The following SLIT3 variants were observed in gnomAD, a reference collection of about 807,000 sequenced individuals.
The protein encoded by SLIT3 is slit homolog 3 protein.
A neutral mutation model predicts 184.0 loss-of-function variants in SLIT3; 68 were observed. That is an observed-to-expected ratio of 0.37 (90% CI 0.30 to 0.45). SLIT3 has a LOEUF of 0.45. Among genes scored for constraint, SLIT3 ranks in the 20% least tolerant of loss-of-function variants. SLIT3 has a pLI of 1.00. For missense variants in SLIT3, 1,707 were observed against 2,026.0 expected, an observed-to-expected ratio of 0.84 and a Z score of 3.02; for synonymous variants, 831 against 828.6, an observed-to-expected ratio of 1.00 and a Z score of -0.05.
At chr5:169,250,870 C>T (rs1299273175) in intron 2 of SLIT3, among the ~76,000 whole-genome samples, 1 of 152,176 alleles carries the variant, frequency 6.6e-6, no homozygotes, top group Non-Finnish European at 1.5e-5. Flanking sequence ...GCAATGAAAC[C>T]TAATATTCCT....
chr5:169,171,558 C>T (rs1025623334), intron 4 of SLIT3, among the ~76,000 whole-genome samples: 1 of 152,200 alleles, frequency 6.6e-6, no homozygotes, highest in Non-Finnish European at 1.5e-5. Context: ...GATTGAAAGC[C>T]TCAGGAAAGA....
At chr5:168,935,170 A>G (rs1581225137) in intron 4 of SLIT3, among the ~76,000 whole-genome samples, 1 of 151,752 alleles carries the variant, frequency 6.6e-6, no homozygotes, top group Non-Finnish European at 1.5e-5. Context: ...AACCAACAAC[A>G]AAAAAGAATA....
At chr5:168,804,894 T>G (rs1756904711) in intron 9 of SLIT3, among the ~76,000 whole-genome samples, 1 of 152,154 alleles carries the variant, frequency 6.6e-6, no homozygotes, top group Non-Finnish European at 1.5e-5. Flanking sequence ...CCATCCCTTT[T>G]GTCTACTCTA....
chr5:168,850,916 G>A (rs1165835150), intron 5 of SLIT3, among the ~76,000 whole-genome samples: 1 of 152,148 alleles, frequency 6.6e-6, no homozygotes. Flanking sequence ...ACACATCGCT[G>A]GGAAATATCA....
At chr5:168,756,497 A>G (rs1754951894) in intron 16 of SLIT3, among the ~76,000 whole-genome samples, 1 of 152,186 alleles carries the variant, frequency 6.6e-6, no homozygotes, top group Non-Finnish European at 1.5e-5. Context: ...CCATCCTGCC[A>G]GGAAAACAGG....
At chr5:169,267,051 A>T (rs997812926) in intron 1 of SLIT3, among the ~76,000 whole-genome samples, 1 of 152,220 alleles carries the variant, frequency 6.6e-6, no homozygotes, top group Non-Finnish European at 1.5e-5. Context: ...AGTGTTTACC[A>T]TGTGCCAAGG....
At chr5:168,721,349 A>T (rs752098163) in intron 23 of SLIT3, among the ~76,000 whole-genome samples, 2 of 152,256 alleles carry the variant, frequency 1.3e-5, no homozygotes, top group African/African-American at 2.4e-5. Context: ...CTGTGATATA[A>T]GAATAATAAC....
chr5:168,898,490 A>G (rs1760762983), intron 4 of SLIT3, among the ~76,000 whole-genome samples: 1 of 151,986 alleles, frequency 6.6e-6, no homozygotes, highest in African/African-American at 2.4e-5. Flanking sequence ...GGCTTAGCAT[A>G]TCAATTAAGC....
intron 5 of SLIT3, 89 bp from the exon 6 acceptor site, chr5:168,844,744 C>A: frequency 8.2e-7 from 1 of 1,219,094 alleles, no homozygotes; most frequent in East Asian, 2.4e-5. Context: ...TGTCCCTCCA[C>A]CCCCTTGCAG....
rs907940781 is a variant in SLIT3, at chr5:168,664,018, C to G, written c.*2436G>C. Reference sequence around the variant, plus strand: ...GGAGTCAGACAGCCTGGGCCCAGATCCTGGCTCTACGGTTTATTAGACATT... The same window carrying G: ...GGAGTCAGACAGCCTGGGCCCAGATGCTGGCTCTACGGTTTATTAGACATT... On this transcript the variant is annotated 3_prime_UTR_variant, in exon 36 of 36. Coordinates refer to ENST00000519560, the MANE Select transcript of SLIT3 (RefSeq NM_003062.4). The G allele has an allele frequency of 1.3e-5, 2 of 152,284 alleles. No homozygotes were observed. The highest frequency in any genetic ancestry group is 1.3e-4 in the Admixed American group (2 of 15,290). The allele number at this position is 152,284 out of a possible 1,614,324, so 9.4% of individuals were successfully genotyped here.
At chr5:169,180,239 G>A (rs1326089869) in intron 4 of SLIT3, among the ~76,000 whole-genome samples, 1 of 152,136 alleles carries the variant, frequency 6.6e-6, no homozygotes, top group Non-Finnish European at 1.5e-5. Context: ...GCCAAGAAGA[G>A]AATTGTTGGA....
chr5:168,761,921 A>AAAATT (rs1554139194), intron 15 of SLIT3, among the ~76,000 whole-genome samples: 62 of 110,492 alleles, frequency 5.6e-4, no homozygotes, highest in African/African-American at 2.2e-3. Context: ...AAAAAAAAAA[A>AAAATT]TTTTTTTTTT....
intron 4 of SLIT3, among the ~76,000 whole-genome samples, chr5:168,906,489 A>C (rs993279121): frequency 5.9e-5 from 9 of 152,222 alleles, no homozygotes; most frequent in African/African-American, 2.2e-4. Flanking sequence ...TAATTTTCTT[A>C]AAATACCTGC....
At chr5:168,748,197 C>A in intron 20 of SLIT3, 105 bp downstream of exon 20, 1 of 1,299,324 alleles carries the variant, frequency 7.7e-7, no homozygotes, top group Non-Finnish European at 1.0e-6. Context: ...GGTCTCCCCC[C>A]GGCAGTTTCG....
intron 5 of SLIT3, among the ~76,000 whole-genome samples, chr5:168,877,088 C>A (rs1169767074): frequency 6.6e-6 from 1 of 152,164 alleles, no homozygotes; most frequent in Non-Finnish European, 1.5e-5. Flanking sequence ...GTGATTGAAA[C>A]AGGCAGGATA....
chr5:168,969,144 G>A (rs560990683), intron 4 of SLIT3, among the ~76,000 whole-genome samples: 12 of 152,268 alleles, frequency 7.9e-5, no homozygotes, highest in African/African-American at 2.9e-4. Context: ...GAGGAACAAA[G>A]TCACGTGAGG....
intron 20 of SLIT3, among the ~76,000 whole-genome samples, chr5:168,729,940 A>G (rs1763244419): frequency 6.6e-6 from 1 of 152,262 alleles, no homozygotes; most frequent in African/African-American, 2.4e-5. Context: ...AGAATGGATA[A>G]AGAAACATGA....
intron 1 of SLIT3, among the ~76,000 whole-genome samples, chr5:169,273,156 A>G (rs1766688196): frequency 6.6e-6 from 1 of 152,096 alleles, no homozygotes; most frequent in Non-Finnish European, 1.5e-5. Context: ...CATTCAGCCC[A>G]CCACCCCCTG....
chr5:169,084,890 C>T (rs1468131464), intron 4 of SLIT3, among the ~76,000 whole-genome samples: 2 of 152,172 alleles, frequency 1.3e-5, no homozygotes, highest in East Asian at 1.9e-4. Context: ...CAAAGGCTCC[C>T]ATGGGCCAGG....
Sources: allele counts gnomAD v4.1 joint callset (sites outside exome capture counted in the v4.1 genomes callset), GRCh38; gene constraint gnomAD v4.1.1; transcripts MANE v1.5; gene names NCBI Gene and HGNC (gene_info 2026-07-23, HGNC 2026-07-21).